The following SIDT1 variants were observed in gnomAD, a reference collection of about 807,000 sequenced individuals.
SIDT1 encodes SID1 transmembrane family member 1, also known as SID1 transmembrane family, member 1.
SIDT1 carries 101 observed loss-of-function variants against 107.5 expected under a neutral mutation model. The observed-to-expected ratio is 0.94, with a 90% CI of 0.80 to 1.11. SIDT1 has a LOEUF of 1.11. Among genes scored for constraint, SIDT1 ranks in the 50% least tolerant of loss-of-function variants. The pLI is 0.00. For missense variants in SIDT1, 1,076 were observed against 1,058.2 expected (o/e 1.02, Z -0.23); for synonymous variants, 395 against 398.2 (o/e 0.99, Z 0.10).
intron 12 of SIDT1, among the ~76,000 whole-genome samples, 171 bp downstream of exon 12, chr3:113,603,321 G>T (rs976399022): frequency 1.3e-4 from 20 of 151,902 alleles, no homozygotes; most frequent in Non-Finnish European, 2.8e-4. Flanking sequence ...CTGTTAATTC[G>T]CACTTTTTTT....
At chr3:113,572,555 T>A (rs1462725414) in intron 3 of SIDT1, among the ~76,000 whole-genome samples, 1 of 151,992 alleles carries the variant, frequency 6.6e-6, no homozygotes, top group Admixed American at 6.6e-5. Context: ...ATGACATGAG[T>A]GGCAGTGTGG....
At chr3:113,623,793 T>C in intron 23 of SIDT1, 60 bp downstream of exon 23, 1 of 1,092,726 alleles carries the variant, frequency 9.2e-7, no homozygotes, top group Non-Finnish European at 1.4e-6. Context: ...CATTTTGGCC[T>C]TTCTACCTCC....
Position 113,567,872 on chromosome 3 carries a change from C to T in SIDT1, c.515+162C>T, listed in dbSNP as rs1247421631. On this transcript the variant is annotated intron_variant, in intron 3 of 24. Coordinates refer to ENST00000264852, the MANE Select transcript of SIDT1 (RefSeq NM_017699.3). Reference sequence around the variant, plus strand: ...TCCTGCCCATAACTGAGCAGCAGGGCCTTAATCTATACAAAAGAGTGGGAG... The same window carrying T: ...TCCTGCCCATAACTGAGCAGCAGGGTCTTAATCTATACAAAAGAGTGGGAG... 6.0e-6 allele frequency: 4 copies of T among 667,386 alleles called. No homozygotes were observed. The East Asian group carries it at 1.1e-4, about 19-fold the overall frequency. 41.3% of individuals were successfully genotyped at this position (667,386 alleles called of 1,614,324 possible).
At chr3:113,554,972 A>T (rs1206788096) in intron 1 of SIDT1, among the ~76,000 whole-genome samples, 1 of 152,200 alleles carries the variant, frequency 6.6e-6, no homozygotes, top group Non-Finnish European at 1.5e-5. Flanking sequence ...GCATGGCAAC[A>T]TGGTCATGGC....
At chr3:113,539,187 T>C (rs1938525785) in intron 1 of SIDT1, among the ~76,000 whole-genome samples, 1 of 152,226 alleles carries the variant, frequency 6.6e-6, no homozygotes, top group South Asian at 2.1e-4. Context: ...ATAATGATGA[T>C]CAATGAGATT....
rs1407970992 is a variant in SIDT1, at chr3:113,593,040, C to T, written c.1037C>T (p.Ser346Phe). ...AAATCCATTGATGGAAGCTTTGGGT[C>T]CAATGATGGTAAGAGCAATGCTTGG... is the stretch of plus-strand genomic sequence containing the variant. ...QRKSIDGSFG[S>F]NDGSGNMVAS... Residue 346 changes from serine (S) to phenylalanine (F), a missense_variant, in exon 10 of 25, where the codon TCC becomes TTC. Transcript: ENST00000264852. 6.2e-6 allele frequency: 10 copies of T among 1,612,968 alleles called. No homozygotes were observed. Among genetic ancestry groups the T allele is most frequent in the Non-Finnish European group, 7.6e-6 (9 of 1,179,056 alleles).
chr3:113,581,460 T>A lies in SIDT1; in HGVS notation c.747+16T>A. The A allele has an allele frequency of 6.2e-7, 1 of 1,600,638 alleles. No individual in the cohort carries two copies. The highest frequency in any genetic ancestry group is 1.1e-5 in the South Asian group (1 of 90,832). On this transcript the variant is annotated intron_variant, in intron 6 of 24. Coordinates refer to ENST00000264852, the MANE Select transcript of SIDT1 (RefSeq NM_017699.3). ...CACGCTACAGGTGAGGCATTGCTTC[T>A]GTGGGCATTATTGCCAATGGTAATG...
intron 10 of SIDT1, among the ~76,000 whole-genome samples, chr3:113,599,083 T>G (rs1452323069): frequency 6.6e-6 from 1 of 152,244 alleles, no homozygotes; most frequent in East Asian, 1.9e-4. Flanking sequence ...GCGCCATGAT[T>G]GTGCCACTGC....
At chr3:113,588,917 G>C (rs9827490) in intron 9 of SIDT1, 8,627 of 152,226 alleles carry the variant, frequency 0.057, 433 homozygotes, top group African/African-American at 0.13. Flanking sequence ...GCTGGGCTGA[G>C]AGATCCCAGG....
intron 1 of SIDT1, 108 bp from the exon 2 acceptor site, chr3:113,566,312 A>T: frequency 8.7e-7 from 1 of 1,147,732 alleles, no homozygotes; most frequent in East Asian, 2.5e-5. Context: ...TCACATGGCA[A>T]CTATGGTGTG....
At chr3:113,571,900 A>C (rs991375158) in intron 3 of SIDT1, among the ~76,000 whole-genome samples, 4 of 152,056 alleles carry the variant, frequency 2.6e-5, no homozygotes, top group African/African-American at 9.7e-5. Flanking sequence ...GCACCACTGT[A>C]CTCCAGCCTG....
chr3:113,581,485 G>A, intron 6 of SIDT1, 41 bp downstream of exon 6: 2 of 1,479,288 alleles, frequency 1.4e-6, no homozygotes, highest in Non-Finnish European at 1.9e-6. Flanking sequence ...CAATGGTAAT[G>A]CTCAATAGAT....
At chr3:113,539,485 AG>A (rs1938560771) in intron 1 of SIDT1, among the ~76,000 whole-genome samples, 1 of 150,984 alleles carries the variant, frequency 6.6e-6, no homozygotes, top group Non-Finnish European at 1.5e-5. Context: ...TCTGGGAACT[AG>A]GGGTCCTTAT....
chr3:113,545,937 C>T (rs1292359779), intron 1 of SIDT1, among the ~76,000 whole-genome samples: 1 of 152,188 alleles, frequency 6.6e-6, no homozygotes, highest in Non-Finnish European at 1.5e-5. Context: ...TGCATTATTT[C>T]TGGGTAGTAA....
intron 1 of SIDT1, among the ~76,000 whole-genome samples, chr3:113,542,902 TTGTGTGTGTGTG>T (rs71625216): frequency 0.057 from 8,325 of 145,228 alleles, 460 homozygotes; most frequent in African/African-American, 0.14. Context: ...TTTTGCTTGG[TTGTGTGTGTGTG>T]TGTGTGTGTG....
At chr3:113,587,856 C>T (rs1210393035) in intron 9 of SIDT1, among the ~76,000 whole-genome samples, 3 of 152,062 alleles carry the variant, frequency 2.0e-5, no homozygotes, top group Non-Finnish European at 4.4e-5. Flanking sequence ...GTGGTCAGGC[C>T]CTATGAGAGA....
intron 4 of SIDT1, among the ~76,000 whole-genome samples, chr3:113,579,365 G>A (rs966867098): frequency 6.6e-6 from 1 of 152,120 alleles, no homozygotes. Context: ...GCTCATTATT[G>A]CCAACAGTAA....
chr3:113,542,674 A>G (rs979922223), intron 1 of SIDT1, among the ~76,000 whole-genome samples: 3 of 152,118 alleles, frequency 2.0e-5, no homozygotes, highest in African/African-American at 4.8e-5. Context: ...AAGGGAAGGG[A>G]AGATCTGGGT....
At chr3:113,595,736 C>T (rs562267040) in intron 10 of SIDT1, among the ~76,000 whole-genome samples, 1 of 152,270 alleles carries the variant, frequency 6.6e-6, no homozygotes, top group African/African-American at 2.4e-5. Context: ...ATATTCACCA[C>T]ACAAAAGTCT....
Sources: gnomAD v4.1 joint callset for allele counts (sites outside exome capture counted in the v4.1 genomes callset) on GRCh38, gnomAD v4.1.1 for gene constraint, MANE v1.5 for transcripts, NCBI Gene and HGNC (gene_info 2026-07-23, HGNC 2026-07-21) for gene names.